Variants in SLC4A4 observed in about 807,000 individuals in gnomAD.
SLC4A4 encodes solute carrier family 4 member 4, also known as electrogenic sodium bicarbonate cotransporter 1.
SLC4A4 carries 27 observed loss-of-function variants against 111.5 expected under a neutral mutation model. The observed-to-expected ratio is 0.24, with a 90% CI of 0.18 to 0.33. SLC4A4 has a LOEUF of 0.33. Ranked by LOEUF, SLC4A4 falls within the 10% of genes least tolerant of loss-of-function variation. The pLI is 1.00. For synonymous variants in SLC4A4, 443 were observed against 463.4 expected (o/e 0.96, Z 0.57); for missense variants, 909 against 1,315.5 (o/e 0.69, Z 4.78).
chr4:71,067,704 GTTC>G (rs1229584211), intron 1 of SLC4A4, among the ~76,000 whole-genome samples: 3 of 152,008 alleles, frequency 2.0e-5, no homozygotes, highest in Non-Finnish European at 4.4e-5. Flanking sequence ...TACCAGGATA[GTTC>G]TTCTTAAATT....
At chr4:71,086,404 C>T (rs1368020192) in intron 1 of SLC4A4, among the ~76,000 whole-genome samples, 2 of 151,912 alleles carry the variant, frequency 1.3e-5, no homozygotes, top group Non-Finnish European at 2.9e-5. Flanking sequence ...ATTTCTTTCT[C>T]CTGCCTGATT....
chr4:71,472,723 G>A lies in SLC4A4; in HGVS notation c.1656G>A (p.Glu552=), dbSNP rs1264436792. The A allele has an allele frequency of 2.5e-6, 4 of 1,612,666 alleles. No individual in the cohort carries two copies. In the African/African-American group the frequency reaches 4.0e-5, roughly 16 times the overall value. The change falls in exon 14 of 26, where the codon GAG becomes GAA. Residue 552 remains glutamate, a synonymous_variant. Transcript: ENST00000264485. The part of the protein sequence containing the change: ...FSKDNNFDYL[E]FRLWIGLWSA... ...GGGACAATAATTTTGACTATTTGGAGTTTCGCCTTTGGATTGGCCTGTGGT... is the reference window on the plus strand; with the variant it reads ...GGGACAATAATTTTGACTATTTGGAATTTCGCCTTTGGATTGGCCTGTGGT...
intron 7 of SLC4A4, among the ~76,000 whole-genome samples, chr4:71,432,937 T>G (rs1723774669): frequency 6.6e-6 from 1 of 152,092 alleles, no homozygotes. Context: ...GTACTTTTGA[T>G]TTGAGGGGAG....
intron 1 of SLC4A4, among the ~76,000 whole-genome samples, chr4:71,209,878 C>T (rs949547853): frequency 3.9e-5 from 6 of 152,074 alleles, no homozygotes; most frequent in Non-Finnish European, 5.9e-5. Flanking sequence ...TATTTTATTT[C>T]ATCATTATTA....
At chr4:71,282,192 C>T (rs1198205695) in intron 3 of SLC4A4, among the ~76,000 whole-genome samples, 6 of 151,794 alleles carry the variant, frequency 4.0e-5, no homozygotes, top group African/African-American at 1.5e-4. Flanking sequence ...TAAAAGTAGG[C>T]CCTGTGAAAA....
At chr4:71,096,781 A>G (rs1742568763) in intron 2 of SLC4A4, among the ~76,000 whole-genome samples, 3 of 152,306 alleles carry the variant, frequency 2.0e-5, no homozygotes, top group South Asian at 4.1e-4. Flanking sequence ...GTCAGTCAAG[A>G]TAAGGACTGA....
At chr4:71,254,210 A>G (rs1721278138) in intron 2 of SLC4A4, among the ~76,000 whole-genome samples, 2 of 152,210 alleles carry the variant, frequency 1.3e-5, no homozygotes, top group African/African-American at 4.8e-5. Flanking sequence ...AAATGTTCAC[A>G]TTATTTCTCA....
chr4:71,106,847 A>T (rs1343786825), intron 2 of SLC4A4, among the ~76,000 whole-genome samples: 2 of 149,108 alleles, frequency 1.3e-5, no homozygotes, highest in African/African-American at 5.0e-5. Flanking sequence ...TGGGTGCAGC[A>T]CACCAGCATG....
chr4:71,405,808 C>T (rs758919515), intron 7 of SLC4A4, among the ~76,000 whole-genome samples: 2 of 152,136 alleles, frequency 1.3e-5, no homozygotes, highest in East Asian at 1.9e-4. Flanking sequence ...GCATTTGCCT[C>T]CCAGCTCACT....
chr4:71,543,623 G>A (rs1477434206), intron 18 of SLC4A4, among the ~76,000 whole-genome samples: 4 of 151,998 alleles, frequency 2.6e-5, no homozygotes, highest in South Asian at 2.1e-4. Context: ...AGAAAGCATC[G>A]AGATGATGCA....
intron 1 of SLC4A4, among the ~76,000 whole-genome samples, chr4:71,200,120 C>T (rs1321343903): frequency 6.6e-6 from 1 of 152,108 alleles, no homozygotes. Context: ...GACAGAACCC[C>T]TATGGCTTGG....
At chr4:71,430,821 T>G (rs1322159750) in intron 7 of SLC4A4, among the ~76,000 whole-genome samples, 1 of 152,136 alleles carries the variant, frequency 6.6e-6, no homozygotes. Flanking sequence ...ACATGTTGAT[T>G]TCTACACTTC....
intron 2 of SLC4A4, among the ~76,000 whole-genome samples, chr4:71,103,149 C>G (rs1053580255): frequency 2.3e-4 from 35 of 151,452 alleles, no homozygotes; most frequent in Non-Finnish European, 1.8e-4. Flanking sequence ...GACTTTAAAC[C>G]AACAAAGATC....
At position 71,419,008 on chromosome 4, in the gene SLC4A4, T is replaced by G. The variant is rs559095411; in HGVS notation, c.807+21355T>G. On this transcript the variant is annotated intron_variant, in intron 7 of 25. Transcript: ENST00000264485. ...CGCAGCGGTGTTTGCAGAACAGCAG[T>G]TTTTCATGAACCGCGAATGCAGCTG... is the stretch of plus-strand genomic sequence containing the variant. 7.2e-5 allele frequency among the ~76,000 whole-genome samples: 11 copies of G among 152,154 alleles called. No individual in the cohort carries two copies. The South Asian group carries it at 1.7e-3, about 23-fold the overall frequency.
chr4:71,380,265 C>T (rs546680171), intron 6 of SLC4A4, among the ~76,000 whole-genome samples: 1 of 152,292 alleles, frequency 6.6e-6, no homozygotes, highest in East Asian at 1.9e-4. Context: ...TATGACTACT[C>T]CAGCTATCAT....
chr4:71,133,000 T>C (rs756201949), intron 2 of SLC4A4, among the ~76,000 whole-genome samples: 3 of 152,198 alleles, frequency 2.0e-5, no homozygotes, highest in Admixed American at 6.5e-5. Context: ...TTGACAAGCC[T>C]ACAGACTTGC....
At position 71,350,084 on chromosome 4, in the gene SLC4A4, G is replaced by C. The variant is rs1396072745; in HGVS notation, c.550+12G>C. On this transcript the variant is annotated intron_variant, in intron 5 of 25. Coordinates refer to ENST00000264485, the MANE Select transcript of SLC4A4 (RefSeq NM_001098484.3). Reference sequence around the variant, plus strand: ...CCCACAGTTGGTGGGTAAGTATGCTGTTTGAATTTTATCCTATTTTTTTCG... The same window carrying C: ...CCCACAGTTGGTGGGTAAGTATGCTCTTTGAATTTTATCCTATTTTTTTCG... 1.2e-6 allele frequency: 2 copies of C among 1,613,756 alleles called. No individual in the cohort carries two copies. Among genetic ancestry groups the C allele is most frequent in the Non-Finnish European group, 1.7e-6 (2 of 1,179,950 alleles).
At chr4:71,103,425 T>G (rs1244002457) in intron 2 of SLC4A4, among the ~76,000 whole-genome samples, 1 of 152,160 alleles carries the variant, frequency 6.6e-6, no homozygotes, top group Non-Finnish European at 1.5e-5. Flanking sequence ...GCAGACCTAA[T>G]AGACATCTAC....
chr4:71,086,236 A>T (rs1742166074), intron 1 of SLC4A4, among the ~76,000 whole-genome samples: 1 of 151,588 alleles, frequency 6.6e-6, no homozygotes, highest in South Asian at 2.1e-4. Flanking sequence ...AATGCTTGTG[A>T]TTTTTGCATA....
Sources: allele counts gnomAD v4.1 joint callset (sites outside exome capture counted in the v4.1 genomes callset), GRCh38; gene constraint gnomAD v4.1.1; transcripts MANE v1.5; gene names NCBI Gene and HGNC (gene_info 2026-07-23, HGNC 2026-07-21).